SH3GL2: variants seen among roughly 807,000 people sequenced by gnomAD.
SH3GL2 encodes endophilin-A1.
In SH3GL2, 24 loss-of-function variants were observed where a neutral mutation model predicts 46.0. That is an observed-to-expected ratio of 0.52 (90% confidence interval 0.38 to 0.73). The LOEUF is 0.73. Among genes scored for constraint, SH3GL2 ranks in the 30% least tolerant of loss-of-function variants. The pLI is 0.00. For missense variants in SH3GL2, 413 were observed against 424.2 expected (o/e 0.97, Z 0.23); for synonymous variants, 196 against 147.1 (o/e 1.33, Z -2.40).
At chr9:17,782,793 A>C (rs1358020752) in intron 3 of SH3GL2, among the ~76,000 whole-genome samples, 1 of 152,200 alleles carries the variant, frequency 6.6e-6, no homozygotes, top group African/African-American at 2.4e-5. Flanking sequence ...GAAGTAATTC[A>C]GTACACAGTG....
chr9:17,591,252 T>C (rs1448380647), intron 1 of SH3GL2: 2 of 152,240 alleles, frequency 1.3e-5, no homozygotes, highest in African/African-American at 4.8e-5. Flanking sequence ...CTTCCCCTTT[T>C]GTGAAACAGT....
At position 17,637,059 on chromosome 9, in the gene SH3GL2, A is replaced by G. The variant is rs575993260; in HGVS notation, c.45+57772A>G. On this transcript the variant is annotated intron_variant, in intron 1 of 8. Coordinates refer to ENST00000380607, the MANE Select transcript of SH3GL2 (RefSeq NM_003026.5). ...CAAAGGTGAACCTAGTGCATGAAGT[A>G]TTTATGACTCAGATGGTCTCTTCTG... 6.6e-5 allele frequency among the ~76,000 whole-genome samples: 10 copies of G among 152,328 alleles called. No homozygotes were observed. In the East Asian group the frequency reaches 1.9e-3, roughly 29 times the overall value.
At chr9:17,654,256 T>C (rs113986943) in intron 1 of SH3GL2, among the ~76,000 whole-genome samples, 14 of 152,330 alleles carry the variant, frequency 9.2e-5, no homozygotes, top group African/African-American at 3.1e-4. Context: ...TCTCTGTCTA[T>C]GCTCATGTAT....
intron 1 of SH3GL2, among the ~76,000 whole-genome samples, chr9:17,670,203 C>T (rs1202431037): frequency 6.6e-6 from 1 of 152,146 alleles, no homozygotes; most frequent in Non-Finnish European, 1.5e-5. Flanking sequence ...ATGCCTGGCC[C>T]CAGCTAGCCC....
intron 1 of SH3GL2, among the ~76,000 whole-genome samples, chr9:17,692,175 T>C (rs1024168755): frequency 1.3e-5 from 2 of 151,968 alleles, no homozygotes; most frequent in Admixed American, 6.6e-5. Context: ...GTTAAAAAAG[T>C]AGAGGGTGCT....
intron 3 of SH3GL2, among the ~76,000 whole-genome samples, chr9:17,781,821 G>A (rs927790945): frequency 5.9e-5 from 9 of 151,872 alleles, no homozygotes; most frequent in Admixed American, 1.3e-4. Flanking sequence ...AGCCCAGCTC[G>A]AGCATCATCT....
intron 7 of SH3GL2, among the ~76,000 whole-genome samples, chr9:17,792,283 G>A (rs1335939725): frequency 6.6e-6 from 1 of 152,158 alleles, no homozygotes; most frequent in Non-Finnish European, 1.5e-5. Flanking sequence ...TAATGCTGAA[G>A]CCTCCAGAAA....
At chr9:17,581,145 T>A (rs897312660) in intron 1 of SH3GL2, among the ~76,000 whole-genome samples, 1 of 152,212 alleles carries the variant, frequency 6.6e-6, no homozygotes, top group Non-Finnish European at 1.5e-5. Context: ...ATACTATCCC[T>A]TATGCTGTGA....
intron 1 of SH3GL2, among the ~76,000 whole-genome samples, chr9:17,678,807 TATA>T (rs999021257): frequency 1.3e-5 from 2 of 152,194 alleles, no homozygotes; most frequent in African/African-American, 4.8e-5. Context: ...TTGATTTTTG[TATA>T]AGGTGTAAGG....
At chr9:17,759,243 C>T (rs892939617) in intron 2 of SH3GL2, among the ~76,000 whole-genome samples, 2 of 152,160 alleles carry the variant, frequency 1.3e-5, no homozygotes, top group African/African-American at 4.8e-5. Context: ...GCCTCCCTTC[C>T]AGAGAGGCCC....
At chr9:17,583,923 T>C (rs1452876805) in intron 1 of SH3GL2, among the ~76,000 whole-genome samples, 1 of 152,212 alleles carries the variant, frequency 6.6e-6, no homozygotes, top group Non-Finnish European at 1.5e-5. Context: ...TAATTAGTTA[T>C]GACTTTATCT....
chr9:17,663,683 A>C lies in SH3GL2; in HGVS notation c.46-83383A>C, dbSNP rs75604736. 1.1e-4 allele frequency among the ~76,000 whole-genome samples: 16 copies of C among 152,322 alleles called. No homozygotes were observed. In the East Asian group the frequency reaches 3.1e-3, roughly 29 times the overall value. On this transcript the variant is annotated intron_variant, in intron 1 of 8. Transcript: ENST00000380607. Reference sequence around the variant, plus strand: ...CATAGAGATGTCAAGGCTGGTATAAATTTACTGAGGAACAATTTAATCCAT... The same window carrying C: ...CATAGAGATGTCAAGGCTGGTATAACTTTACTGAGGAACAATTTAATCCAT...
intron 1 of SH3GL2, among the ~76,000 whole-genome samples, chr9:17,666,808 A>C (rs1051537862): frequency 6.6e-6 from 1 of 152,070 alleles, no homozygotes; most frequent in African/African-American, 2.4e-5. Flanking sequence ...AGGTAAATGT[A>C]AGTACTTTTG....
At chr9:17,603,459 A>G (rs1350247972) in intron 1 of SH3GL2, among the ~76,000 whole-genome samples, 1 of 152,190 alleles carries the variant, frequency 6.6e-6, no homozygotes, top group Admixed American at 6.5e-5. Context: ...AAAGTAGAAC[A>G]GTGGTTGAGA....
At chr9:17,640,546 G>A (rs553828083) in intron 1 of SH3GL2, among the ~76,000 whole-genome samples, 32 of 152,082 alleles carry the variant, frequency 2.1e-4, no homozygotes, top group Admixed American at 1.4e-3. Flanking sequence ...TCTCTCAACC[G>A]GCTGTCTCTG....
chr9:17,727,026 C>G (rs759912538), intron 1 of SH3GL2, among the ~76,000 whole-genome samples: 21 of 152,088 alleles, frequency 1.4e-4, no homozygotes, highest in Non-Finnish European at 2.6e-4. Context: ...TGTTGCTGCA[C>G]TTTTTGTAAT....
At chr9:17,598,932 A>C (rs1387194442) in intron 1 of SH3GL2, among the ~76,000 whole-genome samples, 1 of 152,238 alleles carries the variant, frequency 6.6e-6, no homozygotes, top group Non-Finnish European at 1.5e-5. Context: ...CAAAGTTGGA[A>C]TAGACTTTAA....
intron 1 of SH3GL2, among the ~76,000 whole-genome samples, chr9:17,641,141 A>G (rs1234604108): frequency 2.0e-5 from 3 of 152,162 alleles, no homozygotes; most frequent in African/African-American, 7.2e-5. Flanking sequence ...ATTATTACCA[A>G]GTTTCCAATA....
chr9:17,601,288 G>A (rs1034208870), intron 1 of SH3GL2, among the ~76,000 whole-genome samples: 4 of 151,914 alleles, frequency 2.6e-5, no homozygotes, highest in African/African-American at 9.7e-5. Context: ...CATACAGCAA[G>A]ATGGGTGAAA....
Sources: gnomAD v4.1 joint callset for allele counts (sites outside exome capture counted in the v4.1 genomes callset) on GRCh38, gnomAD v4.1.1 for gene constraint, MANE v1.5 for transcripts, NCBI Gene and HGNC (gene_info 2026-07-23, HGNC 2026-07-21) for gene names.